The following ANKRD36B variants were observed in gnomAD, a reference collection of about 807,000 sequenced individuals.
The protein encoded by ANKRD36B is ankyrin repeat domain 36B.
A neutral mutation model predicts 135.7 loss-of-function variants in ANKRD36B; 37 were observed. The observed-to-expected ratio is 0.27, with a 90% CI of 0.21 to 0.36. The LOEUF (loss-of-function observed/expected upper bound fraction) is 0.36. Among genes scored for constraint, ANKRD36B ranks in the 10% least tolerant of loss-of-function variants. The pLI, the probability that ANKRD36B is intolerant of heterozygous loss-of-function variation, is 1.00. For missense variants in ANKRD36B, 549 were observed against 1,037.1 expected, an observed-to-expected ratio of 0.53 and a Z score of 6.46; for synonymous variants, 179 against 348.1, an observed-to-expected ratio of 0.51 and a Z score of 5.41.
Position 97,589,728 on chromosome 2 carries a change from C to G in ANKRD36B, c.-43G>C. 2 of 1,613,066 alleles carry G rather than the reference C, an allele frequency of 1.2e-6. No individual in the cohort carries two copies. The highest frequency in any genetic ancestry group is 1.7e-6 in the Non-Finnish European group (2 of 1,179,770). On this transcript the variant is annotated 5_prime_UTR_variant, in exon 1 of 44. Coordinates refer to ENST00000359901, the MANE Select transcript of ANKRD36B (RefSeq NM_001393939.1). ...CCCGCTCGTCGTCTTCCTTAATCGT[C>G]GGCTGCAAATTGTAGCCTGCAGCCG...
chr2:97,533,409 TA>T (rs2078701686), intron 34 of ANKRD36B, among the ~76,000 whole-genome samples: 1 of 96,900 alleles, frequency 1.0e-5, no homozygotes, highest in South Asian at 2.3e-4. Context: ...CCTAAGACAG[TA>T]AGTGTCAAAG....
intron 35 of ANKRD36B, among the ~76,000 whole-genome samples, chr2:97,530,292 C>T (rs2078498890): frequency 1.0e-5 from 1 of 95,380 alleles, no homozygotes; most frequent in South Asian, 2.4e-4. Context: ...CTGAGAAAAA[C>T]AAGCAACGGG....
chr2:97,537,459 TAATA>T (rs1304962370), intron 32 of ANKRD36B, among the ~76,000 whole-genome samples: 1 of 97,232 alleles, frequency 1.0e-5, no homozygotes, highest in African/African-American at 3.1e-5. Flanking sequence ...TTTGAATAAC[TAATA>T]AAGAATATAT....
intron 37 of ANKRD36B, among the ~76,000 whole-genome samples, chr2:97,513,981 G>C (rs1239442576): frequency 7.9e-6 from 1 of 126,634 alleles, no homozygotes; most frequent in Admixed American, 7.0e-5. Context: ...ACATGTATTT[G>C]ATTGCTGTCT....
At chr2:97,576,899 G>A (rs1285974601) in intron 5 of ANKRD36B, among the ~76,000 whole-genome samples, 17 of 152,052 alleles carry the variant, frequency 1.1e-4, no homozygotes, top group African/African-American at 2.9e-4. Context: ...GAACTTTATC[G>A]CTGAAACTAT....
intron 1 of ANKRD36B, 124 bp from the exon 2 acceptor site, chr2:97,585,522 A>G: frequency 1.5e-6 from 2 of 1,340,182 alleles, no homozygotes; most frequent in South Asian, 3.1e-5. Context: ...GTTAGCGCTT[A>G]TTACTCACCA....
rs1474254341 is a variant in ANKRD36B at position 97,555,157 on chromosome 2, T to G, written c.1099-25A>C. The stretch of plus-strand genomic sequence containing the variant: ...TCTGAAAGTAATTTGAAGCAAATTA[T>G]CAATAAAGAAAGTATGTTTCATGGA... On this transcript the variant is annotated intron_variant, in intron 13 of 43. Coordinates refer to ENST00000359901, the MANE Select transcript of ANKRD36B (RefSeq NM_001393939.1). 4.3e-6 allele frequency: 7 copies of G among 1,611,372 alleles called. No homozygotes were observed. In the Admixed American group the frequency reaches 5.0e-5, roughly 12 times the overall value.
chr2:97,555,165 G>T (rs1425340434), intron 13 of ANKRD36B, 33 bp from the exon 14 acceptor site: 10 of 1,611,152 alleles, frequency 6.2e-6, no homozygotes, highest in Non-Finnish European at 8.5e-6. Context: ...TATCAATAAA[G>T]AAAGTATGTT....
rs985181730 is a variant in ANKRD36B, at chr2:97,553,073, G to C, written c.1273+95C>G. The C allele has an allele frequency of 9.0e-6, 13 of 1,437,756 alleles. No homozygotes were observed. The African/African-American group carries it at 1.2e-4, about 13-fold the overall frequency. The allele number at this position is 1,437,756 out of a possible 1,614,324, so 89.1% of individuals were successfully genotyped here. ...CTGGATCAGAATGTGCAGCTTCAGC[G>C]AGCCCCCCACCCGCCCTGCGCTGAT... is the stretch of plus-strand genomic sequence containing the variant. On this transcript the variant is annotated intron_variant, in intron 16 of 43. Coordinates refer to ENST00000359901, the MANE Select transcript of ANKRD36B (RefSeq NM_001393939.1).
At chr2:97,578,291 G>A (rs2082354693) in intron 5 of ANKRD36B, among the ~76,000 whole-genome samples, 1 of 151,992 alleles carries the variant, frequency 6.6e-6, no homozygotes, top group African/African-American at 2.4e-5. Flanking sequence ...TGAAGATTGA[G>A]GGATCTCAAA....
intron 6 of ANKRD36B, among the ~76,000 whole-genome samples, chr2:97,575,698 CAAAT>C (rs2082185636): frequency 6.7e-6 from 1 of 150,368 alleles, no homozygotes; most frequent in Non-Finnish European, 1.5e-5. Flanking sequence ...TTAAGTAAAA[CAAAT>C]AAAGAAGGCA....
At position 97,513,108 on chromosome 2, in the gene ANKRD36B, T is replaced by C. The variant is rs1337127620; in HGVS notation, c.2805+72A>G. On this transcript the variant is annotated intron_variant, in intron 38 of 43. Coordinates refer to ENST00000359901, the MANE Select transcript of ANKRD36B (RefSeq NM_001393939.1). ...ATTGTTCAGGCCTAAATAATATATGTTAAATGAAAGAGATGGTATAAGTAA... is the reference window on the plus strand; with the variant it reads ...ATTGTTCAGGCCTAAATAATATATGCTAAATGAAAGAGATGGTATAAGTAA... 7 of 1,449,962 alleles carry C rather than the reference T, an allele frequency of 4.8e-6. No individual in the cohort carries two copies. In the East Asian group the frequency reaches 1.3e-4, roughly 26 times the overall value. The allele number at this position is 1,449,962 out of a possible 1,614,324, so 89.8% of individuals were successfully genotyped here.
At chr2:97,569,810 A>T (rs2081712743) in intron 6 of ANKRD36B, among the ~76,000 whole-genome samples, 1 of 152,186 alleles carries the variant, frequency 6.6e-6, no homozygotes, top group Non-Finnish European at 1.5e-5. Context: ...TTATAGCAAG[A>T]CGTACTCAAT....
In ANKRD36B at chr2:97,579,643, T is replaced by TAC. The variant is rs1189103077; in HGVS notation, c.558-601_558-600insGT. Among the ~76,000 whole-genome samples, 555 of 65,982 alleles carry TAC rather than the reference T, an allele frequency of 8.4e-3. 1 individual carries two copies. Among genetic ancestry groups the TAC allele is most frequent in the Admixed American group, 0.01 (75 of 7,242 alleles). 43.3% of individuals were successfully genotyped at this position (65,982 alleles called of 152,430 possible). A position where few individuals can be genotyped will look rare whatever the true frequency, so the allele number is the denominator to read the frequency against. ...TATATAATCTATAAAATATATAATA[T>TAC]ATAGTATATTATATATTATCTATAA... On this transcript the variant is annotated intron_variant, in intron 4 of 43. Coordinates refer to ENST00000359901, the MANE Select transcript of ANKRD36B (RefSeq NM_001393939.1).
At chr2:97,521,630 A>G (rs1031649301) in intron 36 of ANKRD36B, among the ~76,000 whole-genome samples, 1 of 95,702 alleles carries the variant, frequency 1.0e-5, no homozygotes, top group Admixed American at 9.3e-5. Context: ...TATGTTGGCA[A>G]TCAAAAAGTC....
intron 35 of ANKRD36B, among the ~76,000 whole-genome samples, chr2:97,529,689 C>G (rs1203372024): frequency 2.1e-5 from 2 of 95,584 alleles, no homozygotes; most frequent in African/African-American, 6.3e-5. Context: ...TTAAGCTGAT[C>G]AGCAACTTCA....
chr2:97,531,418 AG>A lies in ANKRD36B; in HGVS notation c.2265+892del, dbSNP rs1295805095. Among the ~76,000 whole-genome samples, 18 of 20,756 alleles carry A rather than the reference AG, an allele frequency of 8.7e-4. 1 individual carries two copies. The highest frequency in any genetic ancestry group is 2.7e-3 in the African/African-American group (18 of 6,786). 13.6% of individuals were successfully genotyped at this position (20,756 alleles called of 152,430 possible). On this transcript the variant is annotated intron_variant, in intron 35 of 43. Coordinates refer to ENST00000359901, the MANE Select transcript of ANKRD36B (RefSeq NM_001393939.1). ...CTGGGGACTGTTGTGGGGTGGGGGG[AG>A]GGGGGAGGGATAGCATTAGGAGGTA...
chr2:97,578,217 A>C (rs1299623165), intron 5 of ANKRD36B, among the ~76,000 whole-genome samples: 1 of 152,082 alleles, frequency 6.6e-6, no homozygotes, highest in Non-Finnish European at 1.5e-5. Context: ...GGCTGAGCAT[A>C]TAAGTATGTG....
In ANKRD36B at chr2:97,558,807, G is replaced by T; in HGVS notation, c.959C>A (p.Ser320Tyr). 1 of 1,611,404 alleles carries T rather than the reference G, an allele frequency of 6.2e-7. No individual in the cohort carries two copies. The highest frequency in any genetic ancestry group is 8.5e-7 in the Non-Finnish European group (1 of 1,178,662). ...GTGTTTTGCAAAATTACCTGTCCCA[G>T]ATTGTTGTCCCTCCTTTATTTCTGT... ...IATEIKEGQQSGTVSPQKQSA... is the reference protein window; with the variant it reads ...IATEIKEGQQYGTVSPQKQSA... Residue 320 changes from serine to tyrosine, a missense_variant, in exon 10 of 44, where the codon TCT becomes TAT. By Grantham distance (144) the Ser-to-Tyr change is moderately radical. Transcript: ENST00000359901.
Sources: allele counts gnomAD v4.1 joint callset (sites outside exome capture counted in the v4.1 genomes callset), GRCh38; gene constraint gnomAD v4.1.1; transcripts MANE v1.5; gene names NCBI Gene and HGNC (gene_info 2026-07-23, HGNC 2026-07-21).